The following CSNK2A2IP variants were observed in gnomAD, a reference collection of about 807,000 sequenced individuals.
CSNK2A2IP encodes casein kinase II subunit alpha'-interacting protein.
the CSNK2A2IP span, among the ~76,000 whole-genome samples, chr3:88,412,838 T>C: frequency 6.6e-6 from 1 of 152,002 alleles, no homozygotes; most frequent in Non-Finnish European, 1.5e-5. Flanking sequence ...TATCTAAATA[T>C]AGAAAAGATA....
chr3:88,369,818 A>C, the CSNK2A2IP span, among the ~76,000 whole-genome samples: 2 of 151,884 alleles, frequency 1.3e-5, no homozygotes, highest in Admixed American at 1.3e-4. Context: ...GATTTGTTAC[A>C]AGGTAGAATT....
At chr3:88,360,228 G>A in the CSNK2A2IP span, among the ~76,000 whole-genome samples, 2 of 151,326 alleles carry the variant, frequency 1.3e-5, no homozygotes, top group African/African-American at 4.9e-5. Flanking sequence ...TCCGCCTCCA[G>A]GTTCACGCCA....
the CSNK2A2IP span, among the ~76,000 whole-genome samples, chr3:88,439,525 T>C: frequency 0.81 from 123,553 of 151,780 alleles, 50,960 homozygotes; most frequent in Non-Finnish European, 0.88. Context: ...AGGCAGATCA[T>C]GAGGTCAGGA....
chr3:88,389,826 CTTT>C, the CSNK2A2IP span, among the ~76,000 whole-genome samples: 6 of 143,506 alleles, frequency 4.2e-5, no homozygotes, highest in Non-Finnish European at 6.1e-5. Flanking sequence ...AAACCCTGTA[CTTT>C]TTTTTTTTTT....
chr3:88,446,030 T>TTTTCTTTCTTTCTCTCTTTA, the CSNK2A2IP span, among the ~76,000 whole-genome samples: 1 of 58,184 alleles, frequency 1.7e-5, no homozygotes, highest in South Asian at 6.7e-4. Flanking sequence ...TCTTTGTTTC[T>TTTTCTTTCTTTCTCTCTTTA]TTTCTTTCTT....
At chr3:88,354,607 A>C in the CSNK2A2IP span, among the ~76,000 whole-genome samples, 10 of 152,172 alleles carry the variant, frequency 6.6e-5, no homozygotes. Context: ...CAAGAACTGA[A>C]AGAAAATTCA....
the CSNK2A2IP span, among the ~76,000 whole-genome samples, chr3:88,423,856 G>A: frequency 6.6e-6 from 1 of 152,140 alleles, no homozygotes; most frequent in Admixed American, 6.6e-5. Flanking sequence ...TCTTGGTGAA[G>A]TAATCCCAGG....
chr3:88,407,190 T>A, the CSNK2A2IP span, among the ~76,000 whole-genome samples: 1 of 150,262 alleles, frequency 6.7e-6, no homozygotes, highest in Non-Finnish European at 1.5e-5. Context: ...GGCGCCAGAG[T>A]GGAATTACTT....
At chr3:88,377,777 G>C in the CSNK2A2IP span, among the ~76,000 whole-genome samples, 1 of 151,860 alleles carries the variant, frequency 6.6e-6, no homozygotes, top group Non-Finnish European at 1.5e-5. Flanking sequence ...CAGTTGGGCA[G>C]TGTTACATCT....
the CSNK2A2IP span, among the ~76,000 whole-genome samples, chr3:88,369,898 C>A: frequency 6.6e-6 from 1 of 151,864 alleles, no homozygotes; most frequent in Non-Finnish European, 1.5e-5. Flanking sequence ...AAAGGGTGAG[C>A]CTTTAAATCT....
the CSNK2A2IP span, among the ~76,000 whole-genome samples, chr3:88,352,657 C>T: frequency 2.8e-4 from 43 of 152,096 alleles, no homozygotes; most frequent in South Asian, 1.2e-3. Context: ...CAGCTCACTG[C>T]GGCCTCAACC....
the CSNK2A2IP span, among the ~76,000 whole-genome samples, chr3:88,384,420 A>G: frequency 1.3e-5 from 2 of 152,152 alleles, no homozygotes; most frequent in African/African-American, 4.8e-5. Context: ...AGCCAGCGAA[A>G]GAGACTTGCC....
the CSNK2A2IP span, among the ~76,000 whole-genome samples, chr3:88,391,880 G>A: frequency 6.6e-6 from 1 of 152,110 alleles, no homozygotes; most frequent in Admixed American, 6.6e-5. Context: ...ATGCATTTCA[G>A]GAAAGATGAC....
chr3:88,401,923 A>G, the CSNK2A2IP span, among the ~76,000 whole-genome samples: 2 of 152,088 alleles, frequency 1.3e-5, no homozygotes, highest in African/African-American at 4.8e-5. Flanking sequence ...CTGATTTATT[A>G]AGTGAGCTCT....
chr3:88,402,675 A>C, the CSNK2A2IP span, among the ~76,000 whole-genome samples: 1 of 151,248 alleles, frequency 6.6e-6, no homozygotes, highest in Admixed American at 6.6e-5. Flanking sequence ...TGCTATGTGT[A>C]GACACACACA....
chr3:88,397,946 C>G, the CSNK2A2IP span, among the ~76,000 whole-genome samples: 1 of 151,898 alleles, frequency 6.6e-6, no homozygotes, highest in Admixed American at 6.6e-5. Flanking sequence ...GGGAGCTGAG[C>G]CAGTAAATTG....
At chr3:88,461,347 A>G in the CSNK2A2IP span, among the ~76,000 whole-genome samples, 3 of 151,868 alleles carry the variant, frequency 2.0e-5, no homozygotes, top group Non-Finnish European at 2.9e-5. Flanking sequence ...AGGTCAGGAG[A>G]TCGAGACCAT....
At chr3:88,410,482 A>C in the CSNK2A2IP span, among the ~76,000 whole-genome samples, 134 of 152,010 alleles carry the variant, frequency 8.8e-4, 1 homozygote, top group Non-Finnish European at 1.6e-3. Context: ...CTCTCCTGCC[A>C]CGGAAGTCTT....
chr3:88,404,965 C>T, the CSNK2A2IP span, among the ~76,000 whole-genome samples: 1 of 152,152 alleles, frequency 6.6e-6, no homozygotes, highest in Admixed American at 6.5e-5. Context: ...AATATCTGAT[C>T]AGGCTCTTCA....
Sources: gnomAD v4.1 joint callset for allele counts (sites outside exome capture counted in the v4.1 genomes callset) on GRCh38, gnomAD v4.1.1 for gene constraint, MANE v1.5 for transcripts, NCBI Gene and HGNC (gene_info 2026-07-23, HGNC 2026-07-21) for gene names.